CCSER1: variants seen among roughly 807,000 people sequenced by gnomAD.
The protein encoded by CCSER1 is serine-rich coiled-coil domain-containing protein 1.
CCSER1 carries 41 observed loss-of-function variants against 82.0 expected under a neutral mutation model. The observed-to-expected ratio is 0.50, with a 90% CI of 0.39 to 0.65. The LOEUF is 0.65. Ranked by LOEUF, CCSER1 falls within the 30% of genes least tolerant of loss-of-function variation. The pLI is 0.00. For missense variants in CCSER1, 1,119 were observed against 1,064.2 expected (o/e 1.05, Z -0.72); for synonymous variants, 414 against 383.9 (o/e 1.08, Z -0.92).
chr4:91,116,384 C>T lies in CCSER1; in HGVS notation c.2217+30390C>T, dbSNP rs953964110. On this transcript the variant is annotated intron_variant, in intron 10 of 10. Transcript: ENST00000509176. ...AAGCTCTGATTTAGTAAAAGAGTAA[C>T]AGGAGAGCCTAGTGATGAGAGGGCA... Among the ~76,000 whole-genome samples the T allele has an allele frequency of 3.3e-5, 5 of 152,138 alleles. No homozygotes were observed. In the East Asian group the frequency reaches 9.6e-4, roughly 29 times the overall value.
intron 8 of CCSER1, among the ~76,000 whole-genome samples, chr4:90,861,762 C>A (rs1765111937): frequency 6.6e-6 from 1 of 151,308 alleles, no homozygotes; most frequent in South Asian, 2.1e-4. Context: ...CTCATTTGAC[C>A]CTTACAAAAT....
At chr4:91,274,820 T>G (rs530936395) in intron 10 of CCSER1, among the ~76,000 whole-genome samples, 1 of 152,230 alleles carries the variant, frequency 6.6e-6, no homozygotes, top group South Asian at 2.1e-4. Flanking sequence ...AATACTAATT[T>G]ATTGGCCTGG....
At chr4:90,402,622 G>T (rs1578289815) in intron 4 of CCSER1, among the ~76,000 whole-genome samples, 1 of 152,210 alleles carries the variant, frequency 6.6e-6, no homozygotes, top group East Asian at 1.9e-4. Flanking sequence ...GATTTTCATT[G>T]TAAAAAATAA....
intron 10 of CCSER1, among the ~76,000 whole-genome samples, chr4:91,394,742 T>C (rs1751860900): frequency 6.6e-6 from 1 of 152,024 alleles, no homozygotes; most frequent in Non-Finnish European, 1.5e-5. Context: ...AAAACAGCAG[T>C]TAAAGTATTC....
intron 10 of CCSER1, among the ~76,000 whole-genome samples, chr4:91,407,684 T>C (rs528499796): frequency 6.6e-6 from 1 of 152,214 alleles, no homozygotes; most frequent in East Asian, 1.9e-4. Context: ...CAGGCTTCTA[T>C]ACAGAGATCA....
intron 10 of CCSER1, among the ~76,000 whole-genome samples, chr4:91,427,784 T>A (rs573577382): frequency 6.6e-6 from 1 of 152,218 alleles, no homozygotes; most frequent in African/African-American, 2.4e-5. Flanking sequence ...TGTCATGGAG[T>A]TTATTACTAA....
intron 1 of CCSER1, among the ~76,000 whole-genome samples, chr4:90,257,213 T>TCA (rs140587839): frequency 0.13 from 19,173 of 150,114 alleles, 1,461 homozygotes; most frequent in Middle Eastern, 0.28. Flanking sequence ...AAATGAAATG[T>TCA]TATATATATA....
intron 9 of CCSER1, among the ~76,000 whole-genome samples, chr4:90,937,169 C>T (rs1731041793): frequency 1.3e-5 from 2 of 151,984 alleles, no homozygotes; most frequent in South Asian, 4.2e-4. Flanking sequence ...TTAAGAGAAA[C>T]CACGTGAAGG....
At chr4:90,593,801 A>T (rs572698315) in intron 5 of CCSER1, among the ~76,000 whole-genome samples, 1 of 152,086 alleles carries the variant, frequency 6.6e-6, no homozygotes, top group South Asian at 2.1e-4. Flanking sequence ...TATGTTGCAT[A>T]TTATAATTTC....
At chr4:90,143,328 C>T (rs1725159149) in intron 1 of CCSER1, among the ~76,000 whole-genome samples, 3 of 152,080 alleles carry the variant, frequency 2.0e-5, no homozygotes, top group Non-Finnish European at 4.4e-5. Flanking sequence ...TACCATGTAC[C>T]ATATACCTTT....
At chr4:90,664,721 A>G (rs55787570) in intron 6 of CCSER1, among the ~76,000 whole-genome samples, 5,887 of 152,102 alleles carry the variant, frequency 0.039, 132 homozygotes, top group Middle Eastern at 0.092. Context: ...ACCAACATGG[A>G]GAAACCCCAT....
intron 8 of CCSER1, among the ~76,000 whole-genome samples, chr4:90,895,883 A>C (rs1476792675): frequency 6.6e-6 from 1 of 151,938 alleles, no homozygotes; most frequent in Non-Finnish European, 1.5e-5. Context: ...TTGAATTTAT[A>C]AGGGACCAAT....
At chr4:91,538,698 C>CATATATATAT (rs1553952293) in intron 10 of CCSER1, among the ~76,000 whole-genome samples, 1 of 138,340 alleles carries the variant, frequency 7.2e-6, no homozygotes, top group African/African-American at 2.8e-5. Context: ...TATATATACA[C>CATATATATAT]ATATATATAT....
intron 1 of CCSER1, among the ~76,000 whole-genome samples, chr4:90,151,148 C>T (rs1312467196): frequency 6.6e-6 from 1 of 151,776 alleles, no homozygotes; most frequent in Non-Finnish European, 1.5e-5. Context: ...AAAATCCAGG[C>T]CTGGAACACT....
At chr4:90,169,868 A>G (rs1731295465) in intron 1 of CCSER1, among the ~76,000 whole-genome samples, 1 of 151,868 alleles carries the variant, frequency 6.6e-6, no homozygotes, top group South Asian at 2.1e-4. Flanking sequence ...TCTTAGTTCT[A>G]GGCATAAACC....
chr4:91,351,636 T>C (rs1748476385), intron 10 of CCSER1, among the ~76,000 whole-genome samples: 1 of 152,116 alleles, frequency 6.6e-6, no homozygotes. Context: ...GGGAATATTT[T>C]TGCCCTGTGG....
chr4:90,195,086 G>T (rs1054138808), intron 1 of CCSER1, among the ~76,000 whole-genome samples: 1 of 152,000 alleles, frequency 6.6e-6, no homozygotes, highest in Non-Finnish European at 1.5e-5. Context: ...CAATAAAAGG[G>T]AAGCTTAAAA....
chr4:90,653,439 G>GA lies in CCSER1; in HGVS notation c.1932+25216dup, dbSNP rs1026121518. 4.0e-5 allele frequency among the ~76,000 whole-genome samples: 6 copies of GA among 150,316 alleles called. No homozygotes were observed. The South Asian group carries it at 8.4e-4, about 21-fold the overall frequency. On this transcript the variant is annotated intron_variant, in intron 6 of 10. Coordinates refer to ENST00000509176, the MANE Select transcript of CCSER1 (RefSeq NM_001145065.2). ...TGGTTTTGTGCTAGAAATACAAATT[G>GA]AAAAAAAAATTTTAATGAAACGTAA...
chr4:90,287,393 C>T (rs1730097181), intron 1 of CCSER1, among the ~76,000 whole-genome samples: 1 of 151,648 alleles, frequency 6.6e-6, no homozygotes, highest in South Asian at 2.1e-4. Flanking sequence ...GTGGTAACTC[C>T]TTTTAAGAAA....
Sources: allele counts gnomAD v4.1 joint callset (sites outside exome capture counted in the v4.1 genomes callset), GRCh38; gene constraint gnomAD v4.1.1; transcripts MANE v1.5; gene names NCBI Gene and HGNC (gene_info 2026-07-23, HGNC 2026-07-21).